The following AZIN1 variants were observed in gnomAD, a reference collection of about 807,000 sequenced individuals.
AZIN1 encodes antizyme inhibitor 1.
AZIN1 carries 12 observed loss-of-function variants against 47.4 expected under a neutral mutation model. That is an observed-to-expected ratio of 0.25 (90% CI 0.16 to 0.41). The LOEUF (loss-of-function observed/expected upper bound fraction) is 0.41, where lower values mean the gene tolerates loss of function less well. Ranked by LOEUF, AZIN1 falls within the 10% of genes least tolerant of loss-of-function variation. The pLI, the probability that AZIN1 is intolerant of heterozygous loss-of-function variation, is 1.00. For synonymous variants in AZIN1, 155 were observed against 176.3 expected, an observed-to-expected ratio of 0.88 and a Z score of 0.96; for missense variants, 410 against 532.4, an observed-to-expected ratio of 0.77 and a Z score of 2.26.
intron 2 of AZIN1, among the ~76,000 whole-genome samples, chr8:102,850,471 C>G (rs1441768128): frequency 6.6e-6 from 1 of 152,048 alleles, no homozygotes; most frequent in Admixed American, 6.6e-5. Flanking sequence ...AGTAATTGAC[C>G]AGAAGAGCAC....
intron 1 of AZIN1, among the ~76,000 whole-genome samples, chr8:102,859,839 AAAAAG>A (rs979578672): frequency 6.6e-5 from 10 of 152,310 alleles, no homozygotes; most frequent in South Asian, 6.2e-4. Context: ...CTGTCTCCAA[AAAAAG>A]AAAAGAAAAG....
intron 3 of AZIN1, among the ~76,000 whole-genome samples, chr8:102,840,235 T>C (rs567314559): frequency 6.6e-6 from 1 of 152,190 alleles, no homozygotes; most frequent in Non-Finnish European, 1.5e-5. Flanking sequence ...CCTAATACAG[T>C]AAGTAGAATC....
At position 102,842,846 on chromosome 8, in the gene AZIN1, A is replaced by C. The variant is rs543095911; in HGVS notation, c.102+705T>G. ...TGCTTGAACGCAGGAGGCAGAGGTC[A>C]CAGTGAGCTGAGATCGTGCCACTGA... is the stretch of plus-strand genomic sequence containing the variant. On this transcript the variant is annotated intron_variant, in intron 3 of 11. Coordinates refer to ENST00000337198, the MANE Select transcript of AZIN1 (RefSeq NM_148174.4). 2.0e-5 allele frequency among the ~76,000 whole-genome samples: 3 copies of C among 152,166 alleles called. No individual in the cohort carries two copies. The East Asian group carries it at 5.8e-4, about 29-fold the overall frequency.
At chr8:102,839,599 A>T (rs1812046519) in intron 4 of AZIN1, 51 bp downstream of exon 4, 1 of 1,325,866 alleles carries the variant, frequency 7.5e-7, no homozygotes, top group South Asian at 1.8e-5. Flanking sequence ...TAACTACATT[A>T]AGTTAAATTA....
In AZIN1 at chr8:102,835,009, C is replaced by T. The variant is rs569270256; in HGVS notation, c.585-262G>A. The stretch of plus-strand genomic sequence containing the variant: ...TAAGTCAATTATCAGTACTGTTCCA[C>T]GGTTATACAATAAGGTGTGCTTTTA... On this transcript the variant is annotated intron_variant, in intron 6 of 11. Coordinates refer to ENST00000337198, the MANE Select transcript of AZIN1 (RefSeq NM_148174.4). 51 of 348,944 alleles carry T rather than the reference C, an allele frequency of 1.5e-4. No individual in the cohort carries two copies. In the South Asian group the frequency reaches 2.5e-3, roughly 17 times the overall value. The allele number at this position is 348,944 out of a possible 1,614,324, so 21.6% of individuals were successfully genotyped here. A position where few individuals can be genotyped will look rare whatever the true frequency, so the allele number is the denominator to read the frequency against.
chr8:102,841,804 A>AT (rs1423960800), intron 3 of AZIN1, among the ~76,000 whole-genome samples: 1 of 111,750 alleles, frequency 8.9e-6, no homozygotes, highest in Non-Finnish European at 1.8e-5. Context: ...ATATATATAT[A>AT]TAAAAAAAAA....
chr8:102,843,690 G>A lies in AZIN1; in HGVS notation c.-38C>T. ...CCACAAAGCCGAAAGTCATAAACCA[G>A]GAAAGACAAGAGACGGGCCACCAAG... On this transcript the variant is annotated 5_prime_UTR_variant, in exon 3 of 12. Coordinates refer to ENST00000337198, the MANE Select transcript of AZIN1 (RefSeq NM_148174.4). The A allele has an allele frequency of 6.2e-7, 1 of 1,612,046 alleles. No individual in the cohort carries two copies. The highest frequency in any genetic ancestry group is 8.5e-7 in the Non-Finnish European group (1 of 1,179,206).
intron 2 of AZIN1, among the ~76,000 whole-genome samples, chr8:102,853,809 T>C (rs1311909759): frequency 2.0e-5 from 3 of 150,158 alleles, no homozygotes; most frequent in Non-Finnish European, 3.0e-5. Flanking sequence ...TTCTGTTACA[T>C]TTGCTCATAT....
At chr8:102,836,441 C>T in intron 5 of AZIN1, 51 bp from the exon 6 acceptor site, 2 of 1,575,818 alleles carry the variant, frequency 1.3e-6, no homozygotes, top group Non-Finnish European at 1.7e-6. Context: ...TCATCATCAG[C>T]ACATGTGAAG....
chr8:102,845,973 C>T (rs901608366), intron 2 of AZIN1, among the ~76,000 whole-genome samples: 3 of 152,012 alleles, frequency 2.0e-5, no homozygotes, highest in Admixed American at 2.0e-4. Context: ...TGCTTAAAGT[C>T]GCAGTTTCCA....
At chr8:102,845,856 A>G (rs1812535318) in intron 2 of AZIN1, among the ~76,000 whole-genome samples, 1 of 152,200 alleles carries the variant, frequency 6.6e-6, no homozygotes, top group South Asian at 2.1e-4. Flanking sequence ...CTTTATGTCA[A>G]TAGCTTCTTG....
At chr8:102,831,641 CAAAAAAA>C (rs35860063) in intron 9 of AZIN1, among the ~76,000 whole-genome samples, 24 of 83,830 alleles carry the variant, frequency 2.9e-4, no homozygotes, top group African/African-American at 1.1e-3. Flanking sequence ...AAAACAGTCT[CAAAAAAA>C]AAAAAAAAAA....
rs1366070521 is a variant in AZIN1 at position 102,826,748 on chromosome 8, A to C, written c.*1819T>G. On this transcript the variant is annotated 3_prime_UTR_variant, in exon 12 of 12. Coordinates refer to ENST00000337198, the MANE Select transcript of AZIN1 (RefSeq NM_148174.4). Reference sequence around the variant, plus strand: ...GACTCAAAGTTGCACCATCTTTAAAAAGGTTTGGCATTTCTGGACCACAAC... The same window carrying C: ...GACTCAAAGTTGCACCATCTTTAAACAGGTTTGGCATTTCTGGACCACAAC... The C allele has an allele frequency of 1.3e-5, 2 of 152,620 alleles. No homozygotes were observed. Among genetic ancestry groups the C allele is most frequent in the African/African-American group, 4.8e-5 (2 of 41,452 alleles). The allele number at this position is 152,620 out of a possible 1,614,324, so 9.5% of individuals were successfully genotyped here.
intron 1 of AZIN1, among the ~76,000 whole-genome samples, chr8:102,858,852 A>G (rs1033822706): frequency 6.6e-6 from 1 of 152,256 alleles, no homozygotes; most frequent in African/African-American, 2.4e-5. Context: ...TGCACAGCAC[A>G]CTATACAACA....
Position 102,827,717 on chromosome 8 carries a change from T to C in AZIN1, c.*850A>G, listed in dbSNP as rs1159518574. On this transcript the variant is annotated 3_prime_UTR_variant, in exon 12 of 12. Transcript: ENST00000337198. ...CATTCTATCTATACAGAAACACCTA[T>C]TTATTATTACAGTTGATTTATGCAG... 1.3e-5 allele frequency: 2 copies of C among 152,642 alleles called. No homozygotes were observed. Among genetic ancestry groups the C allele is most frequent in the African/African-American group, 2.4e-5 (1 of 41,440 alleles). 9.5% of individuals were successfully genotyped at this position (152,642 alleles called of 1,614,324 possible). A position where few individuals can be genotyped will look rare whatever the true frequency, so the allele number is the denominator to read the frequency against.
At chr8:102,835,376 T>G (rs1317243465) in intron 6 of AZIN1, 1 of 152,370 alleles carries the variant, frequency 6.6e-6, no homozygotes, top group African/African-American at 2.4e-5. Context: ...TTGACTTAAA[T>G]TAAAACTTAA....
chr8:102,834,829 C>T, intron 6 of AZIN1, 82 bp from the exon 7 acceptor site: 1 of 872,800 alleles, frequency 1.1e-6, no homozygotes, highest in South Asian at 1.5e-5. Context: ...TGTCACTCAT[C>T]ATATTCATAC....
intron 1 of AZIN1, among the ~76,000 whole-genome samples, chr8:102,862,665 A>G (rs765563522): frequency 6.6e-6 from 1 of 152,164 alleles, no homozygotes; most frequent in Non-Finnish European, 1.5e-5. Context: ...CTCTACATCA[A>G]CCTTCGCTGA....
chr8:102,854,605 A>T (rs868713018), intron 2 of AZIN1: 39 of 124,668 alleles, frequency 3.1e-4, no homozygotes, highest in Middle Eastern at 4.1e-3. Flanking sequence ...AAAAAAAAAA[A>T]AAATATATAT....
Sources: allele counts gnomAD v4.1 joint callset (sites outside exome capture counted in the v4.1 genomes callset), GRCh38; gene constraint gnomAD v4.1.1; transcripts MANE v1.5; gene names NCBI Gene and HGNC (gene_info 2026-07-23, HGNC 2026-07-21).